The following CNTLN variants were observed in gnomAD, a reference collection of about 807,000 sequenced individuals.
CNTLN encodes centlein, centrosomal protein.
In CNTLN, 212 loss-of-function variants were observed where a neutral mutation model predicts 180.0. The observed-to-expected ratio is 1.18, with a 90% CI of 1.05 to 1.32. The LOEUF (loss-of-function observed/expected upper bound fraction) is 1.32. CNTLN is among the 40% of genes most tolerant of loss of function. The probability of loss-of-function intolerance (pLI) is 0.00; values close to 1 mark genes in which losing one functional copy is unlikely to be tolerated. For missense variants in CNTLN, 2,095 were observed against 1,610.9 expected, an observed-to-expected ratio of 1.30 and a Z score of -5.14; for synonymous variants, 722 against 563.1, an observed-to-expected ratio of 1.28 and a Z score of -3.99.
chr9:17,170,058 T>C (rs1167492027), intron 2 of CNTLN, among the ~76,000 whole-genome samples: 1 of 152,202 alleles, frequency 6.6e-6, no homozygotes, highest in Non-Finnish European at 1.5e-5. Context: ...TGTCTTTAAT[T>C]TCTTTCATCA....
intron 2 of CNTLN, among the ~76,000 whole-genome samples, chr9:17,211,174 T>C (rs1323076412): frequency 6.6e-6 from 1 of 152,124 alleles, no homozygotes; most frequent in Non-Finnish European, 1.5e-5. Flanking sequence ...TCTTCTAGGG[T>C]TTTTATGGTT....
intron 2 of CNTLN, among the ~76,000 whole-genome samples, chr9:17,218,106 C>A (rs572243134): frequency 1.3e-5 from 2 of 152,046 alleles, no homozygotes; most frequent in Non-Finnish European, 2.9e-5. Flanking sequence ...CATCATTTGT[C>A]GTTTGCCAAC....
At chr9:17,155,727 G>T (rs1819233101) in intron 2 of CNTLN, among the ~76,000 whole-genome samples, 1 of 152,088 alleles carries the variant, frequency 6.6e-6, no homozygotes, top group East Asian at 1.9e-4. Flanking sequence ...TGCTGAGCCA[G>T]ACCACTTGGC....
intron 15 of CNTLN, among the ~76,000 whole-genome samples, chr9:17,401,066 T>C (rs1458439883): frequency 6.6e-6 from 1 of 152,202 alleles, no homozygotes; most frequent in African/African-American, 2.4e-5. Context: ...ACTAAATTGG[T>C]CAAAAATCGG....
rs182496774 is a variant in CNTLN at position 17,303,560 on chromosome 9, T to C, written c.1146+5208T>C. Among the ~76,000 whole-genome samples, 6 of 151,518 alleles carry C rather than the reference T, an allele frequency of 4.0e-5. No homozygotes were observed. In the East Asian group the frequency reaches 5.8e-4, roughly 15 times the overall value. Reference sequence around the variant, plus strand: ...AGATTTTTTACTAACGCTTTTTTTTTCTCCTCAAAAATGTAGTAGTTGTGT... The same window carrying C: ...AGATTTTTTACTAACGCTTTTTTTTCCTCCTCAAAAATGTAGTAGTTGTGT... On this transcript the variant is annotated intron_variant, in intron 7 of 25. Coordinates refer to ENST00000380647, the MANE Select transcript of CNTLN (RefSeq NM_017738.4).
intron 2 of CNTLN, among the ~76,000 whole-genome samples, chr9:17,158,821 G>T (rs1443052724): frequency 6.6e-6 from 1 of 151,798 alleles, no homozygotes; most frequent in African/African-American, 2.4e-5. Context: ...CCAGCTTTTG[G>T]CTGTATTGTT....
chr9:17,190,628 A>G (rs1821734656), intron 2 of CNTLN, among the ~76,000 whole-genome samples: 1 of 152,188 alleles, frequency 6.6e-6, no homozygotes, highest in Admixed American at 6.5e-5. Context: ...GGAATTTCTT[A>G]GTGGTCAAAA....
intron 18 of CNTLN, among the ~76,000 whole-genome samples, chr9:17,440,088 G>T (rs1049488766): frequency 6.6e-5 from 10 of 152,154 alleles, no homozygotes; most frequent in African/African-American, 9.7e-5. Flanking sequence ...AAGCTGGATC[G>T]CTGAGACTAA....
intron 5 of CNTLN, among the ~76,000 whole-genome samples, chr9:17,262,809 T>G (rs190356192): frequency 6.6e-6 from 1 of 151,422 alleles, no homozygotes; most frequent in Admixed American, 6.6e-5. Flanking sequence ...GCTTCCAGCT[T>G]TTGCCAGTAT....
chr9:17,223,881 A>G (rs1824299969), intron 2 of CNTLN, among the ~76,000 whole-genome samples: 1 of 151,904 alleles, frequency 6.6e-6, no homozygotes, highest in African/African-American at 2.4e-5. Flanking sequence ...TATCTACTTT[A>G]CTATAAATGT....
In CNTLN at chr9:17,409,320, A is replaced by C; in HGVS notation, c.2643A>C (p.Gln881His). Residue 881 changes from glutamine to histidine, a missense_variant, in exon 16 of 26, where the codon CAA becomes CAC. By Grantham distance (24) the Gln-to-His change is conservative. Coordinates refer to ENST00000380647, the MANE Select transcript of CNTLN (RefSeq NM_017738.4). ...GTGATTCTGAAGCACAGACCTCTCA[A>C]ACTTTGGGAACAATTATTGTAGAAA... ...SSSDSEAQTS[Q>H]TLGTIIVETS... The C allele has an allele frequency of 6.2e-7, 1 of 1,612,810 alleles. No individual in the cohort carries two copies. The highest frequency in any genetic ancestry group is 8.5e-7 in the Non-Finnish European group (1 of 1,179,544).
chr9:17,481,194 C>A (rs1001532286), intron 23 of CNTLN, among the ~76,000 whole-genome samples: 4 of 152,206 alleles, frequency 2.6e-5, no homozygotes, highest in African/African-American at 9.6e-5. Context: ...CAGCCCACAG[C>A]CCTGCCCATT....
At chr9:17,198,106 T>TA (rs1230870688) in intron 2 of CNTLN, among the ~76,000 whole-genome samples, 1 of 152,218 alleles carries the variant, frequency 6.6e-6, no homozygotes, top group Non-Finnish European at 1.5e-5. Flanking sequence ...TGTCTGTTTT[T>TA]ATGCTAGTGC....
At chr9:17,300,396 C>T (rs1473165843) in intron 7 of CNTLN, 1 of 152,020 alleles carries the variant, frequency 6.6e-6, no homozygotes, top group Non-Finnish European at 1.5e-5. Flanking sequence ...TATCTAATTG[C>T]CTACTTAATA....
chr9:17,435,315 A>T lies in CNTLN; in HGVS notation c.3114+19126A>T, dbSNP rs186122636. Reference sequence around the variant, plus strand: ...GCTTTATAGTTTCTACAAAGCCCTTACTGTTCCAATAATGCTTTCTGGACT... The same window carrying T: ...GCTTTATAGTTTCTACAAAGCCCTTTCTGTTCCAATAATGCTTTCTGGACT... On this transcript the variant is annotated intron_variant, in intron 18 of 25. Coordinates refer to ENST00000380647, the MANE Select transcript of CNTLN (RefSeq NM_017738.4). Among the ~76,000 whole-genome samples, 312 of 152,226 alleles carry T rather than the reference A, an allele frequency of 2.0e-3. 1 individual carries two copies. Among genetic ancestry groups the T allele is most frequent in the Admixed American group, 7.2e-3 (110 of 15,288 alleles).
intron 12 of CNTLN, among the ~76,000 whole-genome samples, chr9:17,345,148 C>A (rs1052660642): frequency 5.9e-5 from 9 of 152,112 alleles, no homozygotes; most frequent in African/African-American, 1.9e-4. Context: ...TAGTTTTTTG[C>A]AATTATGAAT....
At chr9:17,403,340 C>G (rs1827130501) in intron 15 of CNTLN, among the ~76,000 whole-genome samples, 1 of 151,798 alleles carries the variant, frequency 6.6e-6, no homozygotes, top group Admixed American at 6.6e-5. Context: ...CCAATTTTTC[C>G]TTGCAAGCTT....
At chr9:17,433,036 A>AAC (rs1554719650) in intron 18 of CNTLN, among the ~76,000 whole-genome samples, 2 of 149,894 alleles carry the variant, frequency 1.3e-5, no homozygotes, top group African/African-American at 4.9e-5. Context: ...AAAAAAAAAA[A>AAC]AACAAAGATT....
chr9:17,359,725 C>CAAAAAAA (rs1176814681), intron 12 of CNTLN, among the ~76,000 whole-genome samples: 2 of 21,334 alleles, frequency 9.4e-5, no homozygotes, highest in African/African-American at 2.5e-4. Context: ...ACTAAAAATA[C>CAAAAAAA]AAAAAAAAAA....
Sources: gnomAD v4.1 joint callset for allele counts (sites outside exome capture counted in the v4.1 genomes callset) on GRCh38, gnomAD v4.1.1 for gene constraint, MANE v1.5 for transcripts, NCBI Gene and HGNC (gene_info 2026-07-23, HGNC 2026-07-21) for gene names.